AMOTL1: variants seen among roughly 807,000 people sequenced by gnomAD.
AMOTL1 encodes the protein angiomotin like 1, also known as angiomotin-like protein 1.
Under a neutral mutation model 102.9 loss-of-function variants are expected in AMOTL1, and 45 were observed. The ratio of observed to expected loss-of-function variants is 0.44; its 90% CI spans 0.34 to 0.56. AMOTL1 has a LOEUF of 0.56. Among genes scored for constraint, AMOTL1 ranks in the 20% least tolerant of loss-of-function variants. The probability of loss-of-function intolerance (pLI) is 0.01; values close to 1 mark genes in which losing one functional copy is unlikely to be tolerated. For missense variants in AMOTL1, 1,114 were observed against 1,225.6 expected, an observed-to-expected ratio of 0.91 and a Z score of 1.36; for synonymous variants, 481 against 484.7, an observed-to-expected ratio of 0.99 and a Z score of 0.10.
chr11:94,730,622 TG>T lies in AMOTL1; in HGVS notation c.85+1568del, dbSNP rs1161707286. 1.1e-4 allele frequency among the ~76,000 whole-genome samples: 16 copies of T among 152,326 alleles called. No individual in the cohort carries two copies. In the East Asian group the frequency reaches 3.1e-3, roughly 29 times the overall value. Reference sequence around the variant, plus strand: ...TTCATCTTTGTACCCCTTTCACTGTTGCATGGCAAATTCATGGTGTATATTT... The same window carrying T: ...TTCATCTTTGTACCCCTTTCACTGTTCATGGCAAATTCATGGTGTATATTT... On this transcript the variant is annotated intron_variant, in intron 2 of 4. Coordinates refer to the AMOTL1 transcript ENST00000299004.
At chr11:94,715,217 G>A (rs1339643793) in intron 1 of AMOTL1, among the ~76,000 whole-genome samples, 1 of 152,028 alleles carries the variant, frequency 6.6e-6, no homozygotes, top group Admixed American at 6.6e-5. Flanking sequence ...ATTCCATAAG[G>A]TTAGAAAACA....
chr11:94,870,171 C>A (rs958093173), intron 12 of AMOTL1, among the ~76,000 whole-genome samples: 4 of 152,204 alleles, frequency 2.6e-5, no homozygotes, highest in Non-Finnish European at 5.9e-5. Context: ...CTACCATTGG[C>A]TTCTCCACAT....
intron 1 of AMOTL1, among the ~76,000 whole-genome samples, chr11:94,771,924 C>G (rs1950959339): frequency 6.6e-6 from 1 of 152,198 alleles, no homozygotes; most frequent in African/African-American, 2.4e-5. Flanking sequence ...AACTGTCGTT[C>G]TATGGTGTGT....
chr11:94,859,482 T>C (rs749820661), intron 8 of AMOTL1, 43 bp from the exon 9 acceptor site: 2 of 1,560,776 alleles, frequency 1.3e-6, no homozygotes, highest in Non-Finnish European at 1.7e-6. Flanking sequence ...TAGACAGCAT[T>C]GATGTGGTTT....
intron 3 of AMOTL1, among the ~76,000 whole-genome samples, chr11:94,808,387 C>T (rs1951603679): frequency 6.6e-6 from 1 of 152,198 alleles, no homozygotes. Flanking sequence ...TAGCCCCCTG[C>T]ATTTTCTCTT....
intron 2 of AMOTL1, among the ~76,000 whole-genome samples, chr11:94,733,864 T>A (rs995472217): frequency 1.3e-5 from 2 of 152,308 alleles, no homozygotes; most frequent in Admixed American, 6.5e-5. Flanking sequence ...TCGTTCTTTA[T>A]TCTGACTCAT....
chr11:94,772,268 T>C (rs1249029571), intron 1 of AMOTL1, among the ~76,000 whole-genome samples: 2 of 152,186 alleles, frequency 1.3e-5, no homozygotes, highest in Non-Finnish European at 2.9e-5. Context: ...CATTTTTTCA[T>C]GTGTAGATTC....
intron 11 of AMOTL1, among the ~76,000 whole-genome samples, chr11:94,867,819 A>C (rs1229171658): frequency 2.0e-5 from 3 of 152,194 alleles, no homozygotes; most frequent in African/African-American, 7.2e-5. Flanking sequence ...TGGAGTTTCC[A>C]CAGGCTGGGC....
chr11:94,872,643 G>A lies in AMOTL1; in HGVS notation c.*1848G>A, dbSNP rs1953021728. 6.6e-6 allele frequency: 1 copy of A among 152,264 alleles called. No individual in the cohort carries two copies. Among genetic ancestry groups the A allele is most frequent in the Non-Finnish European group, 1.5e-5 (1 of 68,122 alleles). The allele number at this position is 152,264 out of a possible 1,614,324, so 9.4% of individuals were successfully genotyped here. ...CAGAGGAGTGGGAACTGGCCCTCTG[G>A]GGCTCTGCTTGGCCATAGGCACTGC... is the stretch of plus-strand genomic sequence containing the variant. On this transcript the variant is annotated 3_prime_UTR_variant, in exon 13 of 13. Transcript: ENST00000433060.
intron 3 of AMOTL1, among the ~76,000 whole-genome samples, chr11:94,752,226 T>C (rs1176439476): frequency 6.6e-6 from 1 of 152,134 alleles, no homozygotes; most frequent in Non-Finnish European, 1.5e-5. Context: ...CCCTCCTCCA[T>C]TTCTGTCTCT....
chr11:94,743,552 C>G (rs1381601364), intron 3 of AMOTL1, among the ~76,000 whole-genome samples: 1 of 150,296 alleles, frequency 6.7e-6, no homozygotes, highest in Non-Finnish European at 1.5e-5. Flanking sequence ...AGCAGCCATT[C>G]TTTCGGGAGC....
chr11:94,862,228 T>C (rs1480798024), intron 9 of AMOTL1, among the ~76,000 whole-genome samples: 3 of 152,192 alleles, frequency 2.0e-5, no homozygotes, highest in Non-Finnish European at 2.9e-5. Flanking sequence ...TCAGAGAACC[T>C]CAGATAGCTC....
intron 2 of AMOTL1, among the ~76,000 whole-genome samples, chr11:94,739,978 T>C (rs970428351): frequency 3.9e-5 from 6 of 152,146 alleles, no homozygotes; most frequent in Non-Finnish European, 8.8e-5. Context: ...TTTTATAGAG[T>C]AGAAGGAGCA....
At chr11:94,814,432 C>T (rs1042598133) in intron 3 of AMOTL1, among the ~76,000 whole-genome samples, 2 of 152,210 alleles carry the variant, frequency 1.3e-5, no homozygotes, top group Non-Finnish European at 2.9e-5. Flanking sequence ...AGAGAAACTT[C>T]TATTCCTTGG....
At chr11:94,771,181 A>T (rs182134968) in intron 1 of AMOTL1, among the ~76,000 whole-genome samples, 96 of 144,704 alleles carry the variant, frequency 6.6e-4, no homozygotes, top group African/African-American at 2.4e-3. Context: ...AAGTAACTTT[A>T]TAGGACCTGC....
intron 3 of AMOTL1, among the ~76,000 whole-genome samples, chr11:94,762,563 T>C (rs1950806709): frequency 6.6e-6 from 1 of 152,188 alleles, no homozygotes; most frequent in East Asian, 1.9e-4. Flanking sequence ...ATTATGAGTT[T>C]TCAGTACTCC....
At chr11:94,832,213 T>A (rs568534093) in intron 6 of AMOTL1, among the ~76,000 whole-genome samples, 1 of 152,222 alleles carries the variant, frequency 6.6e-6, no homozygotes, top group African/African-American at 2.4e-5. Context: ...TCCAACTGTC[T>A]TTTTTTAAGC....
rs371795022 is a variant in AMOTL1 at position 94,821,716 on chromosome 11, G to A, written c.1308G>A (p.Ala436=). 1,433 of 1,614,006 alleles carry A rather than the reference G, an allele frequency of 8.9e-4. 3 individuals carry two copies. Among genetic ancestry groups the A allele is most frequent in the Non-Finnish European group, 1.1e-3 (1,260 of 1,179,896 alleles). Residue 436 remains alanine, a synonymous_variant, in exon 4 of 13, where the codon GCG becomes GCA. Transcript: ENST00000433060. ...AGCAGCTTGGTCCAGATGCCTTTGC[G>A]ATTGTGGAGCGAGCCCAGCAAATGG... The part of the protein sequence containing the change: ...PSQQLGPDAF[A]IVERAQQMVE...
At chr11:94,800,350 A>G (rs763767667) in intron 3 of AMOTL1, 39 bp downstream of exon 3, 1 of 1,518,922 alleles carries the variant, frequency 6.6e-7, no homozygotes, top group Non-Finnish European at 8.8e-7. Context: ...GGCTTTTCAA[A>G]ATTCAATAGT....
Sources: gnomAD v4.1 joint callset for allele counts (sites outside exome capture counted in the v4.1 genomes callset) on GRCh38, gnomAD v4.1.1 for gene constraint, MANE v1.5 for transcripts, NCBI Gene and HGNC (gene_info 2026-07-23, HGNC 2026-07-21) for gene names.